Variants in ATRN observed in about 807,000 individuals in gnomAD.
The protein encoded by ATRN is attractin-2.
In ATRN, 54 loss-of-function variants were observed where a neutral mutation model predicts 178.7. The ratio of observed to expected loss-of-function variants is 0.30; its 90% CI spans 0.24 to 0.38. ATRN has a LOEUF of 0.38. Ranked by LOEUF, ATRN falls within the 10% of genes least tolerant of loss-of-function variation. ATRN has a pLI of 1.00. For synonymous variants in ATRN, 636 were observed against 663.0 expected (o/e 0.96, Z 0.63); for missense variants, 1,443 against 1,815.1 (o/e 0.79, Z 3.73).
chr20:3,569,889 A>G (rs371066585), intron 11 of ATRN, among the ~76,000 whole-genome samples: 5 of 152,070 alleles, frequency 3.3e-5, no homozygotes, highest in Admixed American at 6.6e-5. Flanking sequence ...TGGGCAACAC[A>G]GCAAGACCTC....
intron 1 of ATRN, among the ~76,000 whole-genome samples, chr20:3,480,892 T>TA (rs1202108567): frequency 2.6e-5 from 4 of 152,256 alleles, no homozygotes; most frequent in African/African-American, 7.2e-5. Context: ...ACAGAAATCT[T>TA]ACACTGGTTT....
rs2084532680 is a variant in ATRN at position 3,476,476 on chromosome 20, T to C, written c.410+4959T>C. On this transcript the variant is annotated intron_variant, in intron 1 of 28. Transcript: ENST00000262919. ...AAGGAAGGAAAATAGATTTTTACAA[T>C]AGGAAAGCTAACATTTTAAAAATCT... 2.6e-5 allele frequency among the ~76,000 whole-genome samples: 4 copies of C among 152,240 alleles called. No individual in the cohort carries two copies. The East Asian group carries it at 7.7e-4, about 29-fold the overall frequency.
intron 1 of ATRN, among the ~76,000 whole-genome samples, chr20:3,501,985 C>T (rs1027119845): frequency 1.3e-5 from 2 of 152,108 alleles, no homozygotes; most frequent in Non-Finnish European, 2.9e-5. Context: ...GGCTGAAGCC[C>T]AGCTTTCACA....
chr20:3,490,821 C>T (rs2084782262), intron 1 of ATRN: 1 of 805,956 alleles, frequency 1.2e-6, no homozygotes, highest in Non-Finnish European at 2.3e-6. Context: ...CTTTCATAAT[C>T]CATCTTTATC....
chr20:3,575,309 A>G (rs143514206), intron 12 of ATRN, among the ~76,000 whole-genome samples: 97 of 152,188 alleles, frequency 6.4e-4, no homozygotes, highest in Non-Finnish European at 9.8e-4. Flanking sequence ...GCAGGTCTGT[A>G]GTAGCCCAGA....
At chr20:3,643,718 T>C (rs2087086394) in intron 27 of ATRN, among the ~76,000 whole-genome samples, 2 of 152,110 alleles carry the variant, frequency 1.3e-5, no homozygotes. Context: ...ACAGACAAAA[T>C]AGAATGTTTT....
chr20:3,601,073 A>G, intron 23 of ATRN, 49 bp downstream of exon 23: 1 of 1,510,846 alleles, frequency 6.6e-7, no homozygotes, highest in South Asian at 1.2e-5. Context: ...GTGGTAGATT[A>G]AGAAATGTAA....
At position 3,578,573 on chromosome 20, in the gene ATRN, TA is replaced by T. The variant is rs769894718; in HGVS notation, c.2354-7del. 6.3e-7 allele frequency: 1 copy of T among 1,596,208 alleles called. No homozygotes were observed. Among genetic ancestry groups the T allele is most frequent in the South Asian group, 1.1e-5 (1 of 88,462 alleles). ...AATTCTTTTCTTTCTCTTTTCCCCT[TA>T]ATGAAAGAAAATATCTGTGGCATTG... On this transcript the variant is annotated splice_region_variant and splice_polypyrimidine_tract_variant and intron_variant, in intron 14 of 28. Transcript: ENST00000262919.
chr20:3,510,964 T>A (rs948920588), intron 1 of ATRN, among the ~76,000 whole-genome samples: 3 of 152,182 alleles, frequency 2.0e-5, no homozygotes, highest in Admixed American at 6.5e-5. Context: ...CTAATTGACA[T>A]ATACAGAACA....
intron 4 of ATRN, 120 bp from the exon 5 acceptor site, chr20:3,547,164 C>T (rs2085715703): frequency 1.3e-6 from 1 of 784,256 alleles, no homozygotes; most frequent in Non-Finnish European, 2.1e-6. Flanking sequence ...TTAAGTACTG[C>T]AGTTACACTT....
At chr20:3,497,267 T>C (rs562133260) in intron 1 of ATRN, among the ~76,000 whole-genome samples, 1 of 151,592 alleles carries the variant, frequency 6.6e-6, no homozygotes, top group East Asian at 1.9e-4. Flanking sequence ...CGATGGTCTT[T>C]ACATTTTGGC....
In ATRN at chr20:3,567,854, C is replaced by G. The variant is rs183463231; in HGVS notation, c.1871+2422C>G. ...AGACTCTCCCTAACTTTGCAGAGCC[C>G]CTGTGCAACCAGATGGATTCACAAT... On this transcript the variant is annotated intron_variant, in intron 11 of 28. Coordinates refer to ENST00000262919, the MANE Select transcript of ATRN (RefSeq NM_139321.3). Among the ~76,000 whole-genome samples the G allele has an allele frequency of 2.6e-3, 400 of 152,224 alleles. 1 individual carries two copies. The highest frequency in any genetic ancestry group is 4.0e-3 in the Non-Finnish European group (269 of 68,020).
At chr20:3,518,062 A>G (rs1171288002) in intron 1 of ATRN, among the ~76,000 whole-genome samples, 2 of 152,254 alleles carry the variant, frequency 1.3e-5, no homozygotes, top group South Asian at 4.1e-4. Context: ...AGCACAGGCT[A>G]TCTTCAGTGT....
rs1255015444 is a variant in ATRN at position 3,596,659 on chromosome 20, G to A, written c.3469+230G>A. The stretch of plus-strand genomic sequence containing the variant: ...GTTAATGTGTCCATAGCAGATAGCA[G>A]GAGAGAGTAGAGAGGCATGCATCTT... On this transcript the variant is annotated intron_variant, in intron 21 of 28. Coordinates refer to ENST00000262919, the MANE Select transcript of ATRN (RefSeq NM_139321.3). Among the ~76,000 whole-genome samples, 4 of 152,170 alleles carry A rather than the reference G, an allele frequency of 2.6e-5. No homozygotes were observed. In the East Asian group the frequency reaches 7.7e-4, roughly 29 times the overall value.
intron 21 of ATRN, 112 bp from the exon 22 acceptor site, chr20:3,597,794 T>TAA: frequency 1.6e-6 from 1 of 642,714 alleles, no homozygotes; most frequent in Non-Finnish European, 2.7e-6. Context: ...ACAGCTGAGT[T>TAA]AAAGTGCTTT....
intron 24 of ATRN, chr20:3,615,737 G>A (rs1330051295): frequency 6.6e-6 from 3 of 451,508 alleles, no homozygotes; most frequent in African/African-American, 6.1e-5. Flanking sequence ...TTGTATTTTA[G>A]TAGAGACAGG....
At chr20:3,634,228 C>A in intron 25 of ATRN, 83 bp from the exon 26 acceptor site, 1 of 1,316,864 alleles carries the variant, frequency 7.6e-7, no homozygotes, top group Non-Finnish European at 1.1e-6. Flanking sequence ...GAGCTGTTTT[C>A]ACTGCCTGGC....
At chr20:3,531,506 A>C (rs2085452780) in intron 1 of ATRN, among the ~76,000 whole-genome samples, 1 of 152,202 alleles carries the variant, frequency 6.6e-6, no homozygotes, top group Non-Finnish European at 1.5e-5. Flanking sequence ...ATTAGTAGGG[A>C]AAGGCAGGAA....
chr20:3,642,374 A>C (rs1393839152), intron 27 of ATRN, among the ~76,000 whole-genome samples: 1 of 152,226 alleles, frequency 6.6e-6, no homozygotes, highest in Admixed American at 6.5e-5. Flanking sequence ...TGCTCCTCTG[A>C]CATACCTTCC....
Sources: allele counts gnomAD v4.1 joint callset (sites outside exome capture counted in the v4.1 genomes callset), GRCh38; gene constraint gnomAD v4.1.1; transcripts MANE v1.5; gene names NCBI Gene and HGNC (gene_info 2026-07-23, HGNC 2026-07-21).